THSD7B: variants seen among roughly 807,000 people sequenced by gnomAD.
The protein encoded by THSD7B is thrombospondin type-1 domain-containing protein 7B.
In THSD7B, 138 loss-of-function variants were observed where a neutral mutation model predicts 213.6. That is an observed-to-expected ratio of 0.65 (90% CI 0.56 to 0.74). THSD7B has a LOEUF of 0.74. Ranked by LOEUF, THSD7B falls within the 30% of genes least tolerant of loss-of-function variation. THSD7B has a pLI of 0.00. For missense variants in THSD7B, 1,931 were observed against 1,991.5 expected (o/e 0.97, Z 0.58); for synonymous variants, 742 against 687.0 (o/e 1.08, Z -1.25).
chr2:137,420,441 C>T (rs1686900241), intron 14 of THSD7B, among the ~76,000 whole-genome samples: 2 of 152,168 alleles, frequency 1.3e-5, no homozygotes, highest in African/African-American at 2.4e-5. Context: ...CCCGGCAGCC[C>T]TTTCCTGACT....
intron 12 of THSD7B, among the ~76,000 whole-genome samples, chr2:137,391,666 A>G (rs1349118875): frequency 6.6e-6 from 1 of 151,516 alleles, no homozygotes; most frequent in Non-Finnish European, 1.5e-5. Context: ...CAGACTGGAC[A>G]ACAGAGTGAC....
intron 15 of THSD7B, among the ~76,000 whole-genome samples, chr2:137,503,101 C>T (rs1277832618): frequency 2.0e-5 from 3 of 152,116 alleles, no homozygotes; most frequent in African/African-American, 7.2e-5. Context: ...TATCATGCAT[C>T]CAAATGGACT....
rs1005255894 is a variant in THSD7B at position 137,665,716 on chromosome 2, T to C, written c.4652-2058T>C. On this transcript the variant is annotated intron_variant, in intron 26 of 27. Coordinates refer to ENST00000409968, the MANE Select transcript of THSD7B (RefSeq NM_001316349.2). ...ATATGAATTACATGATTGCTTATTATAGCAAATGAATGAAAACAATATAAA... is the reference window on the plus strand; with the variant it reads ...ATATGAATTACATGATTGCTTATTACAGCAAATGAATGAAAACAATATAAA... Among the ~76,000 whole-genome samples the C allele has an allele frequency of 5.9e-5, 9 of 152,218 alleles. 1 individual carries two copies. Among genetic ancestry groups the C allele is most frequent in the African/African-American group, 2.2e-4 (9 of 41,536 alleles).
chr2:137,381,771 C>T (rs1424408652), intron 12 of THSD7B, among the ~76,000 whole-genome samples: 2 of 152,156 alleles, frequency 1.3e-5, no homozygotes, highest in African/African-American at 2.4e-5. Flanking sequence ...AACACCAATT[C>T]CAGAAAATGC....
chr2:137,090,409 G>C (rs12622876), intron 3 of THSD7B, among the ~76,000 whole-genome samples: 1 of 151,944 alleles, frequency 6.6e-6, no homozygotes, highest in Admixed American at 6.6e-5. Flanking sequence ...TATGTGCGAT[G>C]TATGATATAA....
chr2:137,526,591 T>C (rs1209702643), intron 15 of THSD7B, among the ~76,000 whole-genome samples: 1 of 151,980 alleles, frequency 6.6e-6, no homozygotes, highest in African/African-American at 2.4e-5. Flanking sequence ...CCCACTAACT[T>C]TTTTGTATTT....
At chr2:137,426,292 C>A (rs1687053507) in intron 14 of THSD7B, among the ~76,000 whole-genome samples, 1 of 151,910 alleles carries the variant, frequency 6.6e-6, no homozygotes, top group Admixed American at 6.6e-5. Flanking sequence ...CTTATCAAAA[C>A]CTCAATGGCA....
chr2:137,256,731 A>G (rs1327466413), intron 10 of THSD7B, among the ~76,000 whole-genome samples: 1 of 152,020 alleles, frequency 6.6e-6, no homozygotes, highest in African/African-American at 2.4e-5. Context: ...ATGAGGTGAG[A>G]CGACATTGGA....
At chr2:136,981,532 G>T (rs939656396) in intron 2 of THSD7B, among the ~76,000 whole-genome samples, 1 of 152,048 alleles carries the variant, frequency 6.6e-6, no homozygotes, top group Non-Finnish European at 1.5e-5. Flanking sequence ...CTCCCTCTGT[G>T]CTCTTTCTCT....
chr2:136,977,594 A>C (rs1296474885), intron 2 of THSD7B, among the ~76,000 whole-genome samples: 3 of 152,096 alleles, frequency 2.0e-5, no homozygotes, highest in Admixed American at 6.5e-5. Flanking sequence ...TGATGTGGGC[A>C]CTTAGTGCTA....
At chr2:137,232,172 C>T (rs896745847) in intron 8 of THSD7B, among the ~76,000 whole-genome samples, 4 of 152,010 alleles carry the variant, frequency 2.6e-5, no homozygotes, top group South Asian at 2.1e-4. Flanking sequence ...AGGCAAAGAT[C>T]GATGCTTTAG....
intron 20 of THSD7B, among the ~76,000 whole-genome samples, chr2:137,639,212 C>G (rs1350583376): frequency 6.6e-6 from 1 of 152,032 alleles, no homozygotes; most frequent in Non-Finnish European, 1.5e-5. Context: ...GCCCTGTGTC[C>G]CAGCTGCTCC....
chr2:137,089,291 T>TAC (rs1687903625), intron 3 of THSD7B, among the ~76,000 whole-genome samples: 1 of 124,102 alleles, frequency 8.1e-6, no homozygotes. Context: ...TATATATACA[T>TAC]ATATATGTGT....
At chr2:136,944,794 G>A (rs1211621346) in intron 2 of THSD7B, among the ~76,000 whole-genome samples, 1 of 149,892 alleles carries the variant, frequency 6.7e-6, no homozygotes. Flanking sequence ...TTGCATGTGA[G>A]ATGGGTCTCC....
intron 1 of THSD7B, among the ~76,000 whole-genome samples, chr2:136,858,804 C>T (rs891813463): frequency 3.3e-5 from 5 of 152,196 alleles, no homozygotes; most frequent in Admixed American, 6.5e-5. Context: ...CTTAAGCAGA[C>T]GTCCCATAAT....
intron 2 of THSD7B, among the ~76,000 whole-genome samples, chr2:136,888,988 T>C (rs1683769882): frequency 6.6e-6 from 1 of 151,900 alleles, no homozygotes; most frequent in African/African-American, 2.4e-5. Flanking sequence ...TGTGTACATG[T>C]ATTTAGGGGA....
At chr2:136,927,557 C>G (rs1243258017) in intron 2 of THSD7B, among the ~76,000 whole-genome samples, 1 of 152,180 alleles carries the variant, frequency 6.6e-6, no homozygotes. Context: ...ATAAGGTCAC[C>G]TATGTACCTA....
At chr2:137,011,718 C>A (rs1686234099) in intron 2 of THSD7B, among the ~76,000 whole-genome samples, 1 of 152,176 alleles carries the variant, frequency 6.6e-6, no homozygotes. Context: ...GTCCAATTAT[C>A]TGAATCTCAT....
At chr2:137,504,072 GAGAA>G (rs1679778984) in intron 15 of THSD7B, among the ~76,000 whole-genome samples, 1 of 151,068 alleles carries the variant, frequency 6.6e-6, no homozygotes, top group Non-Finnish European at 1.5e-5. Context: ...GGAAAAGAGA[GAGAA>G]AGTGAGCTTC....
Sources: gnomAD v4.1 joint callset for allele counts (sites outside exome capture counted in the v4.1 genomes callset) on GRCh38, gnomAD v4.1.1 for gene constraint, MANE v1.5 for transcripts, NCBI Gene and HGNC (gene_info 2026-07-23, HGNC 2026-07-21) for gene names.